Variants in RORA observed in about 807,000 individuals in gnomAD.
RORA encodes nuclear receptor ROR-alpha.
A neutral mutation model predicts 69.5 loss-of-function variants in RORA; 7 were observed. That is an observed-to-expected ratio of 0.10 (90% CI 0.06 to 0.19). The LOEUF is 0.19. Ranked by LOEUF, RORA falls within the 10% of genes least tolerant of loss-of-function variation. The probability of loss-of-function intolerance (pLI) is 1.00; values close to 1 mark genes in which losing one functional copy is unlikely to be tolerated. For missense variants in RORA, 457 were observed against 663.0 expected, an observed-to-expected ratio of 0.69 and a Z score of 3.41; for synonymous variants, 261 against 240.8, an observed-to-expected ratio of 1.08 and a Z score of -0.78.
intron 1 of RORA, among the ~76,000 whole-genome samples, chr15:60,738,456 G>A (rs1172699387): frequency 1.3e-5 from 2 of 152,158 alleles, no homozygotes; most frequent in East Asian, 3.8e-4. Flanking sequence ...ATCAATTCAG[G>A]GCCTCAGGGC....
intron 1 of RORA, among the ~76,000 whole-genome samples, chr15:60,971,417 G>T (rs11071575): frequency 0.23 from 34,527 of 152,032 alleles, 4,822 homozygotes; most frequent in East Asian, 0.6. Flanking sequence ...TCCCAGGCCC[G>T]CATGTCCCTA....
intron 1 of RORA, among the ~76,000 whole-genome samples, chr15:60,697,912 G>A (rs998141178): frequency 3.3e-5 from 5 of 152,048 alleles, no homozygotes; most frequent in Non-Finnish European, 7.3e-5. Flanking sequence ...CAACACTTCC[G>A]CTTGTGAAGT....
chr15:60,643,402 A>T (rs983721037), intron 2 of RORA, among the ~76,000 whole-genome samples: 1 of 152,200 alleles, frequency 6.6e-6, no homozygotes, highest in Non-Finnish European at 1.5e-5. Context: ...GAAGCAAGTC[A>T]CTGGCTATTT....
intron 1 of RORA, among the ~76,000 whole-genome samples, chr15:61,021,947 G>A (rs192150802): frequency 1.3e-5 from 2 of 152,292 alleles, no homozygotes; most frequent in East Asian, 3.9e-4. Context: ...TCACCTGGAT[G>A]GGCTTCATAT....
chr15:60,548,782 C>A (rs953161177), intron 2 of RORA, among the ~76,000 whole-genome samples: 1 of 152,076 alleles, frequency 6.6e-6, no homozygotes, highest in Non-Finnish European at 1.5e-5. Context: ...GGACTACAGG[C>A]GCCCACCACC....
intron 1 of RORA, among the ~76,000 whole-genome samples, chr15:61,162,074 T>C (rs1459937789): frequency 1.3e-5 from 2 of 152,244 alleles, no homozygotes; most frequent in African/African-American, 2.4e-5. Context: ...TTGTTATTGT[T>C]TTCTATTCCA....
At chr15:60,999,087 A>C (rs1375883353) in intron 1 of RORA, among the ~76,000 whole-genome samples, 1 of 152,212 alleles carries the variant, frequency 6.6e-6, no homozygotes, top group Non-Finnish European at 1.5e-5. Flanking sequence ...CCTGAAAATC[A>C]TCAAGCATGG....
At chr15:60,863,878 C>T (rs2073458198) in intron 1 of RORA, among the ~76,000 whole-genome samples, 1 of 151,620 alleles carries the variant, frequency 6.6e-6, no homozygotes, top group African/African-American at 2.4e-5. Context: ...ACCATCTCAG[C>T]TCACTGCAAC....
At chr15:60,792,264 A>G (rs1170441186) in intron 1 of RORA, among the ~76,000 whole-genome samples, 1 of 152,218 alleles carries the variant, frequency 6.6e-6, no homozygotes, top group Non-Finnish European at 1.5e-5. Flanking sequence ...AAGAACAAAG[A>G]GAAAATAATG....
chr15:60,673,516 C>A (rs146811447), intron 2 of RORA, among the ~76,000 whole-genome samples: 1 of 152,178 alleles, frequency 6.6e-6, no homozygotes, highest in Non-Finnish European at 1.5e-5. Flanking sequence ...AGATGAGCAG[C>A]GGGGATAGGT....
rs2066729334 is a variant in RORA at position 60,537,948 on chromosome 15, T to G, written c.197-6097A>C. ...GCAGAATTCTATATAGTTTTCAAAG[T>G]TTTTATCCTTGTTAGCTTGCTTTGA... On this transcript the variant is annotated intron_variant, in intron 2 of 10. Transcript: ENST00000335670. The surrounding 1 kb of genome is among the most constrained non-coding windows in gnomAD (Gnocchi z 4.9). 6.6e-6 allele frequency among the ~76,000 whole-genome samples: 1 copy of G among 152,138 alleles called. No homozygotes were observed. The highest frequency in any genetic ancestry group is 1.5e-5 in the Non-Finnish European group (1 of 68,004).
intron 1 of RORA, among the ~76,000 whole-genome samples, chr15:60,972,477 C>T (rs932924618): frequency 3.9e-5 from 6 of 152,260 alleles, no homozygotes; most frequent in African/African-American, 1.4e-4. Flanking sequence ...AAGCTTGGAA[C>T]TCACTGGTAT....
At chr15:60,881,546 G>T (rs1203957234) in intron 1 of RORA, among the ~76,000 whole-genome samples, 1 of 152,160 alleles carries the variant, frequency 6.6e-6, no homozygotes, top group Non-Finnish European at 1.5e-5. Context: ...AACCCAAAAT[G>T]GCCACTCTGT....
chr15:61,104,993 G>GCTCCCCCCCCCC (rs751911711), intron 1 of RORA, among the ~76,000 whole-genome samples: 7 of 140,820 alleles, frequency 5.0e-5, no homozygotes, highest in Non-Finnish European at 1.1e-4. Context: ...TGATCATGAG[G>GCTCCCCCCCCCC]CGCCCCCCCC....
chr15:60,766,371 A>T (rs2071991290), intron 1 of RORA, among the ~76,000 whole-genome samples: 1 of 152,216 alleles, frequency 6.6e-6, no homozygotes, highest in African/African-American at 2.4e-5. Flanking sequence ...AATAAAGCCA[A>T]TTTAAAAAGC....
intron 1 of RORA, among the ~76,000 whole-genome samples, chr15:61,175,232 T>C (rs929597862): frequency 6.6e-6 from 1 of 152,180 alleles, no homozygotes; most frequent in African/African-American, 2.4e-5. Flanking sequence ...ACGAGGGCTG[T>C]GTCCATGGTC....
intron 1 of RORA, among the ~76,000 whole-genome samples, chr15:61,125,131 C>T (rs2079132744): frequency 6.6e-6 from 1 of 152,110 alleles, no homozygotes; most frequent in Non-Finnish European, 1.5e-5. Context: ...TAAAACTGTA[C>T]CTTTTTGGTC....
chr15:60,690,923 G>T (rs140225152), intron 1 of RORA, among the ~76,000 whole-genome samples: 1 of 152,254 alleles, frequency 6.6e-6, no homozygotes, highest in African/African-American at 2.4e-5. Flanking sequence ...GTGACTTTTT[G>T]AACTATAAAT....
At chr15:60,656,761 C>A (rs1031404847) in intron 2 of RORA, among the ~76,000 whole-genome samples, 3 of 152,070 alleles carry the variant, frequency 2.0e-5, no homozygotes, top group Admixed American at 6.5e-5. Context: ...TCAAATAAGG[C>A]CCTGAGTTAA....
Sources: allele counts gnomAD v4.1 joint callset (sites outside exome capture counted in the v4.1 genomes callset), GRCh38; gene constraint gnomAD v4.1.1; non-coding constraint Gnocchi (gnomAD v3.1); transcripts MANE v1.5; gene names NCBI Gene and HGNC (gene_info 2026-07-23, HGNC 2026-07-21).